SEMA5A: variants seen among roughly 807,000 people sequenced by gnomAD.
SEMA5A encodes semaphorin-5A.
SEMA5A carries 55 observed loss-of-function variants against 135.5 expected under a neutral mutation model. That is an observed-to-expected ratio of 0.41 (90% confidence interval 0.33 to 0.51). The LOEUF (loss-of-function observed/expected upper bound fraction) is 0.51. Among genes scored for constraint, SEMA5A ranks in the 20% least tolerant of loss-of-function variants. The pLI, the probability that SEMA5A is intolerant of heterozygous loss-of-function variation, is 0.37. For synonymous variants in SEMA5A, 580 were observed against 546.5 expected (o/e 1.06, Z -0.85); for missense variants, 1,290 against 1,419.9 (o/e 0.91, Z 1.47).
chr5:9,480,980 C>T (rs1759855089), intron 1 of SEMA5A, among the ~76,000 whole-genome samples: 4 of 152,052 alleles, frequency 2.6e-5, no homozygotes, highest in Admixed American at 2.0e-4. Context: ...GAGTCTCATT[C>T]TGTTGCCCAG....
At chr5:9,415,694 A>G (rs1423247639) in intron 2 of SEMA5A, among the ~76,000 whole-genome samples, 1 of 152,212 alleles carries the variant, frequency 6.6e-6, no homozygotes, top group East Asian at 1.9e-4. Flanking sequence ...AATAAAATGG[A>G]AAATATATGT....
At chr5:9,106,953 G>C (rs1375093653) in intron 16 of SEMA5A, among the ~76,000 whole-genome samples, 1 of 152,124 alleles carries the variant, frequency 6.6e-6, no homozygotes, top group Non-Finnish European at 1.5e-5. Flanking sequence ...CCTTGGGTCT[G>C]GTGTAATATC....
At chr5:9,270,409 C>T (rs7732822) in intron 5 of SEMA5A, among the ~76,000 whole-genome samples, 16,644 of 151,914 alleles carry the variant, frequency 0.11, 1,180 homozygotes, top group East Asian at 0.24. Flanking sequence ...GGGTGATCTA[C>T]GAGAACCTCA....
intron 5 of SEMA5A, among the ~76,000 whole-genome samples, chr5:9,306,272 T>G (rs1441782119): frequency 2.0e-5 from 3 of 152,164 alleles, no homozygotes; most frequent in South Asian, 4.1e-4. Context: ...TCAAGTTGTA[T>G]GTGAGTTAGA....
intron 6 of SEMA5A, among the ~76,000 whole-genome samples, chr5:9,234,887 C>A (rs1320443135): frequency 6.6e-6 from 1 of 152,132 alleles, no homozygotes; most frequent in Non-Finnish European, 1.5e-5. Context: ...TGGTCTCCTC[C>A]GTGAATCGAG....
intron 3 of SEMA5A, among the ~76,000 whole-genome samples, chr5:9,375,557 G>A (rs773704388): frequency 1.3e-5 from 2 of 149,976 alleles, no homozygotes; most frequent in African/African-American, 2.5e-5. Flanking sequence ...TTGGACTTCT[G>A]GCCTCCAGAA....
intron 4 of SEMA5A, among the ~76,000 whole-genome samples, chr5:9,330,307 G>T (rs6864003): frequency 6.6e-6 from 1 of 151,342 alleles, no homozygotes; most frequent in East Asian, 1.9e-4. Flanking sequence ...GAAGAATGGC[G>T]TGAACCCGGG....
At chr5:9,413,023 T>C (rs940866183) in intron 2 of SEMA5A, among the ~76,000 whole-genome samples, 1 of 152,160 alleles carries the variant, frequency 6.6e-6, no homozygotes, top group Non-Finnish European at 1.5e-5. Context: ...TCCAGTGAAA[T>C]GTATGCATAA....
intron 5 of SEMA5A, among the ~76,000 whole-genome samples, chr5:9,286,742 ACG>A (rs1750815954): frequency 1.4e-5 from 2 of 144,706 alleles, no homozygotes; most frequent in Non-Finnish European, 3.1e-5. Context: ...ACACACACAC[ACG>A]TGAATTTTTA....
intron 1 of SEMA5A, among the ~76,000 whole-genome samples, chr5:9,469,917 CT>C (rs1254822271): frequency 6.6e-6 from 1 of 152,124 alleles, no homozygotes; most frequent in Non-Finnish European, 1.5e-5. Context: ...GCTTTTATTC[CT>C]GAGTCTGCAA....
chr5:9,484,482 C>T (rs1760001403), intron 1 of SEMA5A, among the ~76,000 whole-genome samples: 2 of 152,176 alleles, frequency 1.3e-5, no homozygotes, highest in Admixed American at 6.5e-5. Context: ...TAAATGGAAA[C>T]ACTAGAAGTG....
At chr5:9,536,765 A>G (rs528164145) in intron 1 of SEMA5A, among the ~76,000 whole-genome samples, 10 of 152,220 alleles carry the variant, frequency 6.6e-5, no homozygotes, top group Non-Finnish European at 1.3e-4. Flanking sequence ...TTCTATTTAC[A>G]GCCTGGAAAT....
At chr5:9,105,845 C>T (rs253656) in intron 16 of SEMA5A, among the ~76,000 whole-genome samples, 4,704 of 152,284 alleles carry the variant, frequency 0.031, 250 homozygotes, top group African/African-American at 0.11. Flanking sequence ...CAAAGATTTA[C>T]GAACTGCAGC....
At chr5:9,198,886 G>A (rs966387152) in intron 9 of SEMA5A, among the ~76,000 whole-genome samples, 13 of 152,210 alleles carry the variant, frequency 8.5e-5, no homozygotes, top group African/African-American at 2.9e-4. Context: ...GCAGGCAAAT[G>A]GGGGATATTA....
At chr5:9,339,000 A>C (rs774725348) in intron 3 of SEMA5A, among the ~76,000 whole-genome samples, 1 of 152,186 alleles carries the variant, frequency 6.6e-6, no homozygotes, top group Admixed American at 6.5e-5. Context: ...CTTAAAGGAA[A>C]CCAGGGGTGA....
At chr5:9,422,543 A>G (rs1757506432) in intron 2 of SEMA5A, 1 of 152,032 alleles carries the variant, frequency 6.6e-6, no homozygotes, top group Non-Finnish European at 1.5e-5. Flanking sequence ...TCTCCTCTTT[A>G]CAGATAAAAA....
intron 1 of SEMA5A, among the ~76,000 whole-genome samples, chr5:9,495,388 T>C (rs147439125): frequency 1.6e-4 from 25 of 152,318 alleles, no homozygotes; most frequent in Non-Finnish European, 2.8e-4. Flanking sequence ...AGAAGCTGAT[T>C]GTTACAGGAG....
intron 5 of SEMA5A, among the ~76,000 whole-genome samples, chr5:9,317,713 G>C (rs904707959): frequency 1.3e-5 from 2 of 152,056 alleles, no homozygotes; most frequent in Non-Finnish European, 2.9e-5. Context: ...TAGTCTGTAG[G>C]GAGTTCCAGA....
chr5:9,365,919 G>A (rs1232006086), intron 3 of SEMA5A, among the ~76,000 whole-genome samples: 1 of 152,176 alleles, frequency 6.6e-6, no homozygotes, highest in African/African-American at 2.4e-5. Context: ...CAAAATGACA[G>A]CACTTGGGTC....
Sources: gnomAD v4.1 joint callset for allele counts (sites outside exome capture counted in the v4.1 genomes callset) on GRCh38, gnomAD v4.1.1 for gene constraint, MANE v1.5 for transcripts, NCBI Gene and HGNC (gene_info 2026-07-23, HGNC 2026-07-21) for gene names.